Variants in DOK6 observed in about 807,000 individuals in gnomAD.
DOK6 encodes docking protein 6.
DOK6 carries 22 observed loss-of-function variants against 44.0 expected under a neutral mutation model. The observed-to-expected ratio is 0.50, with a 90% confidence interval of 0.36 to 0.71. The LOEUF is 0.71. Ranked by LOEUF, DOK6 falls within the 30% of genes least tolerant of loss-of-function variation. DOK6 has a pLI of 0.00. For missense variants in DOK6, 340 were observed against 416.4 expected (o/e 0.82, Z 1.60); for synonymous variants, 166 against 145.5 (o/e 1.14, Z -1.01).
intron 4 of DOK6, among the ~76,000 whole-genome samples, chr18:69,683,869 A>G (rs1390347903): frequency 1.3e-5 from 2 of 152,236 alleles, no homozygotes; most frequent in Non-Finnish European, 2.9e-5. Context: ...TTAACTTTGT[A>G]TAACCCAACA....
chr18:69,727,435 A>G (rs1445651557), intron 5 of DOK6, among the ~76,000 whole-genome samples: 5 of 152,200 alleles, frequency 3.3e-5, no homozygotes. Flanking sequence ...GCTTTCTGAC[A>G]ATGAAAAGAG....
rs1216322339 is a variant in DOK6, at chr18:69,777,015, A to AGGG, written c.856+19142_856+19143insGGG. 6.4e-5 allele frequency among the ~76,000 whole-genome samples: 7 copies of AGGG among 109,508 alleles called. No individual in the cohort carries two copies. The East Asian group carries it at 2.1e-3, about 34-fold the overall frequency. 71.8% of individuals were successfully genotyped at this position (109,508 alleles called of 152,430 possible). On this transcript the variant is annotated intron_variant, in intron 7 of 7. Transcript: ENST00000382713. ...GGACTGTTGTTGGGTGGGGGGAGGGATAGCATTAGGAGGTATACCTAATGC... is the reference window on the plus strand; with the variant it reads ...GGACTGTTGTTGGGTGGGGGGAGGGAGGGTAGCATTAGGAGGTATACCTAATGC...
chr18:69,731,564 C>G (rs79112933), intron 5 of DOK6, among the ~76,000 whole-genome samples: 1 of 152,114 alleles, frequency 6.6e-6, no homozygotes, highest in East Asian at 1.9e-4. Context: ...GGATCTTTCA[C>G]ATAATTAAAA....
intron 3 of DOK6, among the ~76,000 whole-genome samples, chr18:69,669,921 T>A (rs894932331): frequency 6.6e-6 from 1 of 152,224 alleles, no homozygotes; most frequent in Admixed American, 6.5e-5. Context: ...TTGGCCTTTA[T>A]ATTTGTTTTG....
rs150580706 is a variant in DOK6, at chr18:69,823,357, C to T, written c.857-17887C>T. Among the ~76,000 whole-genome samples, 189 of 152,152 alleles carry T rather than the reference C, an allele frequency of 1.2e-3. 1 individual carries two copies. The highest frequency in any genetic ancestry group is 1.7e-3 in the Admixed American group (26 of 15,266). ...GGTTGGGCAGGATGGTGGGGAAGAG[C>T]GTGTAAGCCTTCCTAGATAAATTCT... On this transcript the variant is annotated intron_variant, in intron 7 of 7. Transcript: ENST00000382713.
chr18:69,431,951 G>T (rs1462392605), intron 1 of DOK6, among the ~76,000 whole-genome samples: 2 of 151,676 alleles, frequency 1.3e-5, no homozygotes, highest in East Asian at 1.9e-4. Flanking sequence ...TTTTTGTTTT[G>T]CAGGTATTAA....
At chr18:69,733,141 C>CTA (rs1197473854) in intron 5 of DOK6, among the ~76,000 whole-genome samples, 2 of 151,822 alleles carry the variant, frequency 1.3e-5, no homozygotes, top group Non-Finnish European at 2.9e-5. Context: ...CTGCATTGAG[C>CTA]TATGCCTCTG....
intron 1 of DOK6, among the ~76,000 whole-genome samples, chr18:69,478,195 C>T (rs1213074771): frequency 1.3e-5 from 2 of 152,154 alleles, no homozygotes; most frequent in African/African-American, 4.8e-5. Context: ...TTCCGAATCA[C>T]GCTATTTTGG....
intron 5 of DOK6, among the ~76,000 whole-genome samples, chr18:69,725,448 A>G (rs1978301393): frequency 6.6e-6 from 1 of 152,202 alleles, no homozygotes; most frequent in Admixed American, 6.5e-5. Flanking sequence ...AATATGCAGA[A>G]GTCACCTAAA....
rs1983253917 is a variant in DOK6 at position 69,576,982 on chromosome 18, T to A, written c.174+12388T>A. Among the ~76,000 whole-genome samples the A allele has an allele frequency of 2.0e-5, 3 of 152,266 alleles. No homozygotes were observed. The South Asian group carries it at 6.2e-4, about 32-fold the overall frequency. On this transcript the variant is annotated intron_variant, in intron 2 of 7. Transcript: ENST00000382713. ...GAAGATAAAACAACGTGAAGTTCCA[T>A]GAAAACTGCATGATGCCAGAAAAGC... is the stretch of plus-strand genomic sequence containing the variant.
chr18:69,555,942 A>G lies in DOK6; in HGVS notation c.67-8545A>G, dbSNP rs200882207. On this transcript the variant is annotated intron_variant, in intron 1 of 7. Transcript: ENST00000382713. ...TCGGTTTTTGTCAGCTCTGATTTAC[A>G]ATTCTGAGGCTACATTCATGAATGC... is the stretch of plus-strand genomic sequence containing the variant. 3.0e-4 allele frequency among the ~76,000 whole-genome samples: 45 copies of G among 152,342 alleles called. 1 individual carries two copies. The East Asian group carries it at 8.3e-3, about 28-fold the overall frequency.
chr18:69,747,686 T>C (rs901773058), intron 6 of DOK6, among the ~76,000 whole-genome samples: 3 of 152,030 alleles, frequency 2.0e-5, no homozygotes, highest in African/African-American at 7.2e-5. Context: ...AGCTCTGTAG[T>C]TGAGATTTAC....
chr18:69,721,496 G>A (rs921854969), intron 5 of DOK6: 3 of 152,282 alleles, frequency 2.0e-5, no homozygotes, highest in Admixed American at 2.0e-4. Flanking sequence ...GAACAATCAT[G>A]TTTTGGTTGT....
intron 2 of DOK6, among the ~76,000 whole-genome samples, chr18:69,591,144 C>T (rs4542760): frequency 0.76 from 116,091 of 152,070 alleles, 47,299 homozygotes; most frequent in Non-Finnish European, 0.91. Context: ...CAATTTTATT[C>T]TCATTTTACT....
chr18:69,463,791 ATG>A (rs1027067729), intron 1 of DOK6, among the ~76,000 whole-genome samples: 1 of 151,586 alleles, frequency 6.6e-6, no homozygotes, highest in African/African-American at 2.4e-5. Flanking sequence ...GTCTGTGCAA[ATG>A]TGTGTGTGCA....
chr18:69,681,276 A>G (rs1180977085), intron 4 of DOK6, among the ~76,000 whole-genome samples: 1 of 152,182 alleles, frequency 6.6e-6, no homozygotes, highest in Admixed American at 6.5e-5. Context: ...AGTCTTTACC[A>G]CAGCAATTTT....
At position 69,547,449 on chromosome 18, in the gene DOK6, C is replaced by T. The variant is rs536963976; in HGVS notation, c.67-17038C>T. 2.6e-5 allele frequency among the ~76,000 whole-genome samples: 4 copies of T among 151,444 alleles called. No homozygotes were observed. The East Asian group carries it at 7.7e-4, about 29-fold the overall frequency. On this transcript the variant is annotated intron_variant, in intron 1 of 7. Coordinates refer to ENST00000382713, the MANE Select transcript of DOK6 (RefSeq NM_152721.6). Reference sequence around the variant, plus strand: ...TCTCAGGAGAATTCATTCACTATCACAAGGCTAGCACCAAGAGGATGTTAC... The same window carrying T: ...TCTCAGGAGAATTCATTCACTATCATAAGGCTAGCACCAAGAGGATGTTAC...
intron 1 of DOK6, among the ~76,000 whole-genome samples, chr18:69,455,283 T>C (rs890786659): frequency 1.3e-5 from 2 of 152,098 alleles, no homozygotes; most frequent in Non-Finnish European, 2.9e-5. Context: ...GTAGGTATGC[T>C]TCTAGCAGTA....
chr18:69,401,098 C>T lies in DOK6; in HGVS notation c.-147C>T. 1 of 716,660 alleles carries T rather than the reference C, an allele frequency of 1.4e-6. No individual in the cohort carries two copies. Among genetic ancestry groups the T allele is most frequent in the African/African-American group, 1.9e-5 (1 of 52,686 alleles). 44.4% of individuals were successfully genotyped at this position (716,660 alleles called of 1,614,324 possible). A position where few individuals can be genotyped will look rare whatever the true frequency, so the allele number is the denominator to read the frequency against. ...CCCTGCAGGCGACCCCGCGTCCCCA[C>T]CGGCGGGAGCTCGGGGAAGAGCGGG... is the stretch of plus-strand genomic sequence containing the variant. On this transcript the variant is annotated 5_prime_UTR_variant, in exon 1 of 8. Transcript: ENST00000382713.
Sources: allele counts gnomAD v4.1 joint callset (sites outside exome capture counted in the v4.1 genomes callset), GRCh38; gene constraint gnomAD v4.1.1; transcripts MANE v1.5; gene names NCBI Gene and HGNC (gene_info 2026-07-23, HGNC 2026-07-21).